The following PTPRU variants were observed in gnomAD, a reference collection of about 807,000 sequenced individuals.
The protein encoded by PTPRU is protein tyrosine phosphatase receptor type U.
In PTPRU, 69 loss-of-function variants were observed where a neutral mutation model predicts 166.3. That is an observed-to-expected ratio of 0.41 (90% CI 0.34 to 0.51). The LOEUF (loss-of-function observed/expected upper bound fraction) is 0.51, where lower values mean the gene tolerates loss of function less well. Among genes scored for constraint, PTPRU ranks in the 20% least tolerant of loss-of-function variants. The probability of loss-of-function intolerance (pLI) is 0.09; values close to 1 mark genes in which losing one functional copy is unlikely to be tolerated. For missense variants in PTPRU, 1,657 were observed against 2,013.7 expected (o/e 0.82, Z 3.39); for synonymous variants, 793 against 814.0 (o/e 0.97, Z 0.44).
At chr1:29,303,619 C>G (rs1687242541) in intron 15 of PTPRU, among the ~76,000 whole-genome samples, 1 of 152,186 alleles carries the variant, frequency 6.6e-6, no homozygotes, top group South Asian at 2.1e-4. Flanking sequence ...CGCAAGGGCC[C>G]TCGGAGGCCA....
chr1:29,259,555 C>A lies in PTPRU; in HGVS notation c.666C>A (p.Phe222Leu). ...GCAGAGCGGCCGAGGCCGAACGCTTCCTCTTGCAAGTGAGCGGGAGCGGTG... is the reference window on the plus strand; with the variant it reads ...GCAGAGCGGCCGAGGCCGAACGCTTACTCTTGCAAGTGAGCGGGAGCGGTG... ...AAGRAAEAERFLLQRQSGALV... is the reference protein window; with the variant it reads ...AAGRAAEAERLLLQRQSGALV... The change falls in exon 5 of 30, where the codon TTC (phenylalanine) becomes TTA (leucine). Residue 222 changes from phenylalanine (F) to leucine (L), a missense_variant. Physicochemically the swap from Phe to Leu is conservative, Grantham distance 22 (BLOSUM62 0). This residue lies in a region of PTPRU where 453 missense variants were observed against 496.9 expected (regional missense o/e 0.91). Coordinates refer to ENST00000373779, the MANE Select transcript of PTPRU (RefSeq NM_133178.4). The A allele has an allele frequency of 6.3e-7, 1 of 1,596,768 alleles. No individual in the cohort carries two copies. The highest frequency in any genetic ancestry group is 8.5e-7 in the Non-Finnish European group (1 of 1,170,356).
In PTPRU at chr1:29,317,786, G is replaced by A; in HGVS notation, c.3552G>A (p.Glu1184=). ...TCACCCCGCCGCTGGACGTGGAGGA[G>A]TGCAGCATCGCCCTGTTGCCCCGGA... is the stretch of plus-strand genomic sequence containing the variant. ...NSVTPPLDVE[E]CSIALLPRNR... is the part of the protein sequence containing the mutation. Residue 1184 remains glutamate (E), a synonymous_variant, in exon 25 of 30, where the codon GAG becomes GAA. Coordinates refer to ENST00000373779, the MANE Select transcript of PTPRU (RefSeq NM_133178.4). The surrounding 1 kb of genome is among the most constrained non-coding windows in gnomAD (Gnocchi z 5.6). The A allele has an allele frequency of 6.2e-7, 1 of 1,612,570 alleles. No homozygotes were observed. The highest frequency in any genetic ancestry group is 1.1e-5 in the South Asian group (1 of 91,068).
Position 29,315,114 on chromosome 1 carries a change from T to C in PTPRU, c.3228-258T>C, listed in dbSNP as rs571721426. On this transcript the variant is annotated intron_variant, in intron 22 of 29. Transcript: ENST00000373779. The surrounding 1 kb of genome is among the most constrained non-coding windows in gnomAD (Gnocchi z 4.5). ...ATCTTAAGTTGCTAGGTTGAGCCAGTGTCACCTTTGCATTCTCCCCACCCT... is the reference window on the plus strand; with the variant it reads ...ATCTTAAGTTGCTAGGTTGAGCCAGCGTCACCTTTGCATTCTCCCCACCCT... Among the ~76,000 whole-genome samples, 1 of 152,286 alleles carries C rather than the reference T, an allele frequency of 6.6e-6. No individual in the cohort carries two copies. Among genetic ancestry groups the C allele is most frequent in the South Asian group, 2.1e-4 (1 of 4,828 alleles).
At chr1:29,284,897 C>G in intron 14 of PTPRU, 28 bp downstream of exon 14, 1 of 1,588,182 alleles carries the variant, frequency 6.3e-7, no homozygotes, top group Non-Finnish European at 8.6e-7. Flanking sequence ...CCTGTCCCAC[C>G]AGTGGCTTCT....
Position 29,275,557 on chromosome 1 carries a change from T to C in PTPRU, c.1254T>C (p.Thr418=), listed in dbSNP as rs760111768. The C allele has an allele frequency of 4.3e-6, 7 of 1,614,078 alleles. No individual in the cohort carries two copies. The highest frequency in any genetic ancestry group is 3.4e-6 in the Non-Finnish European group (4 of 1,180,036). ...ACGTGACGCGTTGCCACACCTATAC[T>C]GTGTCGCTGTGCTATCACTACACCC... ...GYNVTRCHTY[T]VSLCYHYTLG... Residue 418 remains threonine, a synonymous_variant, in exon 8 of 30, where the codon ACT becomes ACC. Transcript: ENST00000373779.
chr1:29,276,366 A>C (rs1223519937), intron 8 of PTPRU, among the ~76,000 whole-genome samples: 2 of 152,132 alleles, frequency 1.3e-5, no homozygotes, highest in Admixed American at 1.3e-4. Context: ...TCCAGGTGGG[A>C]GTGCAGTGTC....
chr1:29,240,764 C>T (rs1223223716), intron 1 of PTPRU, among the ~76,000 whole-genome samples: 1 of 152,008 alleles, frequency 6.6e-6, no homozygotes, highest in Non-Finnish European at 1.5e-5. Flanking sequence ...CGTTGAGTCT[C>T]AACGGTCTGT....
At position 29,291,816 on chromosome 1, in the gene PTPRU, G is replaced by A. The variant is rs146627702; in HGVS notation, c.2319-53G>A. 3.0e-5 allele frequency: 48 copies of A among 1,592,650 alleles called. No homozygotes were observed. The Middle Eastern group carries it at 6.7e-4, about 22-fold the overall frequency. ...CCAGGGCCTCCCCAGCCACCTCTGG[G>A]TGCTGTCCAGCCCCACACAATGCCT... On this transcript the variant is annotated intron_variant, in intron 14 of 29. Transcript: ENST00000373779. The surrounding 1 kb of genome is among the most constrained non-coding windows in gnomAD (Gnocchi z 4.1).
At chr1:29,321,656 T>C (rs996528639) in intron 26 of PTPRU, among the ~76,000 whole-genome samples, 2 of 152,206 alleles carry the variant, frequency 1.3e-5, no homozygotes, top group African/African-American at 4.8e-5. Context: ...TTGACCTCTT[T>C]TGAGTTTTAC....
intron 2 of PTPRU, among the ~76,000 whole-genome samples, chr1:29,258,184 C>T (rs890035843): frequency 6.6e-6 from 1 of 152,156 alleles, no homozygotes; most frequent in African/African-American, 2.4e-5. Context: ...AGGCTGGTCT[C>T]GAACTGCTGA....
At chr1:29,243,172 G>C (rs1684133761) in intron 1 of PTPRU, among the ~76,000 whole-genome samples, 2 of 152,126 alleles carry the variant, frequency 1.3e-5, no homozygotes, top group Admixed American at 1.3e-4. Flanking sequence ...ACTGGGATTA[G>C]AGGCATGAGC....
At position 29,320,466 on chromosome 1, in the gene PTPRU, G is replaced by C. The variant is rs771688872; in HGVS notation, c.3688-219G>C. 1.5e-4 allele frequency: 62 copies of C among 424,550 alleles called. No homozygotes were observed. The highest frequency in any genetic ancestry group is 1.9e-4 in the South Asian group (2 of 10,296). The allele number at this position is 424,550 out of a possible 1,614,324, so 26.3% of individuals were successfully genotyped here. A position where few individuals can be genotyped will look rare whatever the true frequency, so the allele number is the denominator to read the frequency against. Reference sequence around the variant, plus strand: ...GAAACTTTTGCTGTTTAGTTCTGGGGGGTCATGGGCTTGGTCCCCAGAGGC... The same window carrying C: ...GAAACTTTTGCTGTTTAGTTCTGGGCGGTCATGGGCTTGGTCCCCAGAGGC... On this transcript the variant is annotated intron_variant, in intron 25 of 29. Coordinates refer to ENST00000373779, the MANE Select transcript of PTPRU (RefSeq NM_133178.4). This position sits in a 1 kb window ranked among gnomAD's most constrained non-coding sequence, Gnocchi z 5.2.
In PTPRU at chr1:29,255,401, C is replaced by T. The variant is rs761211287; in HGVS notation, c.200C>T (p.Pro67Leu). 1 of 1,614,120 alleles carries T rather than the reference C, an allele frequency of 6.2e-7. No individual in the cohort carries two copies. The highest frequency in any genetic ancestry group is 1.1e-5 in the South Asian group (1 of 91,060). ...GGCACCCGGGCACCTGCGGACCTGC[C>T]CCACGGTAAGTCTACTCTCCATCGC... ...HPGTRAPADL[P>L]HGSYLMVNTS... Residue 67 changes from proline (P) to leucine (L), a missense_variant, in exon 2 of 30, where the codon CCC (proline) becomes CTC (leucine). Coordinates refer to ENST00000373779, the MANE Select transcript of PTPRU (RefSeq NM_133178.4).
intron 28 of PTPRU, among the ~76,000 whole-genome samples, chr1:29,324,270 A>G (rs1361056470): frequency 6.6e-6 from 1 of 152,156 alleles, no homozygotes; most frequent in African/African-American, 2.4e-5. Context: ...TCATGCTTTC[A>G]GCATTTACTG....
At chr1:29,272,288 C>A (rs529813387) in intron 7 of PTPRU, among the ~76,000 whole-genome samples, 3 of 152,318 alleles carry the variant, frequency 2.0e-5, no homozygotes, top group African/African-American at 7.2e-5. Context: ...GGCAGCCAGC[C>A]CCTCAGTGTC....
intron 7 of PTPRU, among the ~76,000 whole-genome samples, chr1:29,263,677 G>A (rs2151946582): frequency 6.6e-6 from 1 of 152,138 alleles, no homozygotes; most frequent in Non-Finnish European, 1.5e-5. Context: ...CTTCTTATAA[G>A]CACTCTAGTA....
chr1:29,305,317 A>C, intron 17 of PTPRU, 35 bp from the exon 18 acceptor site: 1 of 1,606,194 alleles, frequency 6.2e-7, no homozygotes, highest in Non-Finnish European at 8.5e-7. Context: ...TGGGCTCCCC[A>C]GTTCAGCCCC....
intron 1 of PTPRU, among the ~76,000 whole-genome samples, chr1:29,239,188 C>G (rs1214083862): frequency 6.6e-6 from 1 of 152,138 alleles, no homozygotes; most frequent in Non-Finnish European, 1.5e-5. Flanking sequence ...CTCAGAAGCC[C>G]AAGTAGAATA....
chr1:29,316,229 G>T, intron 24 of PTPRU, 78 bp downstream of exon 24: 1 of 1,474,668 alleles, frequency 6.8e-7, no homozygotes, highest in Non-Finnish European at 9.2e-7. Context: ...TACTGCAGGA[G>T]TCATTGAGGG....
Sources: allele counts gnomAD v4.1 joint callset (sites outside exome capture counted in the v4.1 genomes callset), GRCh38; gene constraint gnomAD v4.1.1; regional missense constraint gnomAD v4.1.1; non-coding constraint Gnocchi (gnomAD v3.1); transcripts MANE v1.5; gene names NCBI Gene and HGNC (gene_info 2026-07-23, HGNC 2026-07-21).